The following MAGI1 variants were observed in gnomAD, a reference collection of about 807,000 sequenced individuals.
The protein encoded by MAGI1 is membrane-associated guanylate kinase, WW and PDZ domain-containing protein 1.
Under a neutral mutation model 139.9 loss-of-function variants are expected in MAGI1, and 58 were observed. The observed-to-expected ratio is 0.41, with a 90% CI of 0.34 to 0.52. MAGI1 has a LOEUF of 0.52. MAGI1 is among the 20% of genes least tolerant of loss of function. The pLI is 0.12. For synonymous variants in MAGI1, 812 were observed against 737.9 expected (o/e 1.10, Z -1.63); for missense variants, 1,874 against 1,901.6 (o/e 0.99, Z 0.27).
intron 1 of MAGI1, among the ~76,000 whole-genome samples, chr3:65,959,798 C>CTCTTTT (rs1466528000): frequency 2.8e-4 from 17 of 60,268 alleles, no homozygotes; most frequent in Non-Finnish European, 4.9e-4. Context: ...TAAATTCTCT[C>CTCTTTT]TTTTTTTTTT....
At chr3:65,831,389 C>A (rs949517922) in intron 1 of MAGI1, among the ~76,000 whole-genome samples, 3 of 152,164 alleles carry the variant, frequency 2.0e-5, no homozygotes, top group Admixed American at 2.0e-4. Flanking sequence ...CAGGCTGAAA[C>A]CCAAAGCTAG....
intron 1 of MAGI1, among the ~76,000 whole-genome samples, chr3:65,856,778 C>T (rs2059390347): frequency 6.6e-6 from 1 of 152,170 alleles, no homozygotes; most frequent in South Asian, 2.1e-4. Flanking sequence ...ACCCTCTCTG[C>T]AAAACTACAA....
At chr3:65,395,740 G>A (rs577574388) in intron 13 of MAGI1, among the ~76,000 whole-genome samples, 1 of 151,732 alleles carries the variant, frequency 6.6e-6, no homozygotes, top group East Asian at 1.9e-4. Context: ...GGAACTGGGA[G>A]GCCACATAAC....
intron 4 of MAGI1, among the ~76,000 whole-genome samples, chr3:65,477,465 G>A (rs1162330801): frequency 2.0e-5 from 3 of 151,948 alleles, no homozygotes; most frequent in African/African-American, 4.8e-5. Context: ...TGTTGAAAAC[G>A]GATAACTTAT....
rs549407922 is a variant in MAGI1, at chr3:66,026,949, C to CT, written c.313+11046dup. 6.7e-4 allele frequency among the ~76,000 whole-genome samples: 100 copies of CT among 148,492 alleles called. No individual in the cohort carries two copies. In the East Asian group the frequency reaches 9.5e-3, roughly 14 times the overall value. ...GGGTAGACACATTTCTTTCTTTTTT[C>CT]TTTTTTTTTTCTTCTTTTTCTTAAA... On this transcript the variant is annotated intron_variant, in intron 1 of 22. Coordinates refer to ENST00000402939, the MANE Select transcript of MAGI1 (RefSeq NM_001033057.2).
chr3:65,728,252 A>T (rs2033824329), intron 1 of MAGI1, among the ~76,000 whole-genome samples: 1 of 152,164 alleles, frequency 6.6e-6, no homozygotes, highest in Admixed American at 6.5e-5. Context: ...TGAGATGGAA[A>T]TGAGCTTGGG....
intron 1 of MAGI1, among the ~76,000 whole-genome samples, chr3:65,919,977 G>A (rs1189087536): frequency 1.3e-5 from 2 of 152,140 alleles, no homozygotes; most frequent in Non-Finnish European, 1.5e-5. Flanking sequence ...AAATCTAAGT[G>A]GTCACTTGGT....
chr3:65,882,872 C>G (rs2060387172), intron 1 of MAGI1, among the ~76,000 whole-genome samples: 2 of 147,578 alleles, frequency 1.4e-5, no homozygotes, highest in African/African-American at 5.0e-5. Context: ...GAGGTTGAGG[C>G]TGCAGTGAGC....
At position 65,373,209 on chromosome 3, in the gene MAGI1, A is replaced by G. The variant is rs1292409066; in HGVS notation, c.3196+2536T>C. On this transcript the variant is annotated intron_variant, in intron 18 of 22. Transcript: ENST00000402939. ...CCTTTCATATGAAGAGTTAGAGGCC[A>G]TTGTAAGGTTATTTATTGTCCTAAT... Among the ~76,000 whole-genome samples the G allele has an allele frequency of 2.6e-5, 4 of 152,170 alleles. No individual in the cohort carries two copies. The East Asian group carries it at 7.7e-4, about 29-fold the overall frequency.
At chr3:65,470,514 AG>A in intron 4 of MAGI1, 30 bp from the exon 5 acceptor site, 3 of 1,404,864 alleles carry the variant, frequency 2.1e-6, no homozygotes, top group African/African-American at 1.6e-5. Flanking sequence ...GGTGAGAGAG[AG>A]AGAGAGAGAA....
chr3:65,824,435 G>A (rs1559917791), intron 1 of MAGI1, among the ~76,000 whole-genome samples: 1 of 152,202 alleles, frequency 6.6e-6, no homozygotes. Context: ...AGAAAAACGA[G>A]GGGCCCAGCA....
At chr3:65,566,212 C>T (rs2080629119) in intron 2 of MAGI1, among the ~76,000 whole-genome samples, 1 of 151,034 alleles carries the variant, frequency 6.6e-6, no homozygotes. Flanking sequence ...TGAGACTGCA[C>T]CACTGCACTC....
At chr3:65,404,463 A>G (rs1945172439) in intron 12 of MAGI1, among the ~76,000 whole-genome samples, 1 of 152,026 alleles carries the variant, frequency 6.6e-6, no homozygotes, top group Non-Finnish European at 1.5e-5. Flanking sequence ...GTTGCTGAAA[A>G]CCTTCATTTT....
At chr3:65,769,130 T>C (rs2037742697) in intron 1 of MAGI1, among the ~76,000 whole-genome samples, 1 of 152,192 alleles carries the variant, frequency 6.6e-6, no homozygotes, top group African/African-American at 2.4e-5. Flanking sequence ...CTGAAGAAAA[T>C]AATAGGAAAA....
intron 5 of MAGI1, among the ~76,000 whole-genome samples, chr3:65,459,286 C>CT (rs1182946265): frequency 6.6e-6 from 1 of 152,090 alleles, no homozygotes; most frequent in Non-Finnish European, 1.5e-5. Context: ...TATTCTGGGT[C>CT]TTTCGTGGTT....
intron 18 of MAGI1, among the ~76,000 whole-genome samples, chr3:65,374,412 G>A (rs1942302830): frequency 7.1e-6 from 1 of 141,242 alleles, no homozygotes; most frequent in African/African-American, 2.7e-5. Flanking sequence ...CCGCCTCCCA[G>A]GCTCAAGCGA....
intron 1 of MAGI1, among the ~76,000 whole-genome samples, chr3:65,825,986 C>A (rs548571253): frequency 6.6e-6 from 1 of 151,750 alleles, no homozygotes; most frequent in South Asian, 2.1e-4. Flanking sequence ...GATTCTGACT[C>A]AAAAAATAAT....
intron 1 of MAGI1, among the ~76,000 whole-genome samples, chr3:65,749,381 T>C (rs1484008920): frequency 6.6e-6 from 1 of 152,070 alleles, no homozygotes; most frequent in Non-Finnish European, 1.5e-5. Flanking sequence ...GCAACCTGGA[T>C]GAGATGGGAG....
At chr3:65,693,464 T>G (rs2088858666) in intron 1 of MAGI1, among the ~76,000 whole-genome samples, 1 of 152,126 alleles carries the variant, frequency 6.6e-6, no homozygotes, top group Non-Finnish European at 1.5e-5. Flanking sequence ...GCACAAGAAT[T>G]GCCCACGTTT....
Sources: allele counts gnomAD v4.1 joint callset (sites outside exome capture counted in the v4.1 genomes callset), GRCh38; gene constraint gnomAD v4.1.1; transcripts MANE v1.5; gene names NCBI Gene and HGNC (gene_info 2026-07-23, HGNC 2026-07-21).